The following BBX variants were observed in gnomAD, a reference collection of about 807,000 sequenced individuals.
BBX encodes the protein BBX high mobility group box domain containing, also known as HMG box transcription factor BBX.
In BBX, 30 loss-of-function variants were observed where a neutral mutation model predicts 100.2. The observed-to-expected ratio is 0.30, with a 90% CI of 0.22 to 0.41. The LOEUF is 0.41. Among genes scored for constraint, BBX ranks in the 10% least tolerant of loss-of-function variants. The pLI is 1.00. For synonymous variants in BBX, 376 were observed against 388.1 expected (o/e 0.97, Z 0.37); for missense variants, 1,023 against 1,129.8 (o/e 0.91, Z 1.35).
chr3:107,684,473 CAG>C (rs929931344), intron 3 of BBX: 8 of 152,232 alleles, frequency 5.3e-5, no homozygotes, highest in African/African-American at 1.7e-4. Flanking sequence ...TCTGACATCA[CAG>C]AGAAGGAATT....
intron 3 of BBX, among the ~76,000 whole-genome samples, chr3:107,688,408 T>C (rs1184517656): frequency 6.6e-6 from 1 of 152,228 alleles, no homozygotes; most frequent in East Asian, 1.9e-4. Context: ...AAGTTTGCAG[T>C]GGCAGGAAGC....
At chr3:107,577,092 C>T (rs1292303056) in intron 2 of BBX, among the ~76,000 whole-genome samples, 1 of 152,146 alleles carries the variant, frequency 6.6e-6, no homozygotes, top group Non-Finnish European at 1.5e-5. Flanking sequence ...ATCTCCTGAC[C>T]TCATGATCCA....
intron 3 of BBX, among the ~76,000 whole-genome samples, chr3:107,672,735 C>T (rs1427721467): frequency 6.6e-6 from 1 of 151,856 alleles, no homozygotes; most frequent in East Asian, 1.9e-4. Context: ...TTTTAAAGGG[C>T]CTGGCACAGC....
At chr3:107,790,602 C>G (rs191674681) in intron 14 of BBX, among the ~76,000 whole-genome samples, 1 of 152,338 alleles carries the variant, frequency 6.6e-6, no homozygotes, top group East Asian at 1.9e-4. Context: ...AAAGATAAAT[C>G]TTCCCATCTG....
At chr3:107,784,339 G>A (rs1471645429) in intron 13 of BBX, among the ~76,000 whole-genome samples, 2 of 151,938 alleles carry the variant, frequency 1.3e-5, no homozygotes, top group African/African-American at 2.4e-5. Context: ...TCTCCACTCA[G>A]TAATGGCAGA....
At chr3:107,682,428 A>G (rs1478957667) in intron 3 of BBX, among the ~76,000 whole-genome samples, 1 of 152,144 alleles carries the variant, frequency 6.6e-6, no homozygotes, top group Admixed American at 6.6e-5. Flanking sequence ...GTCGAAGGTG[A>G]TAATGTCACA....
rs2061644675 is a variant in BBX, at chr3:107,710,441, T to C, written c.-9-11T>C. 1 of 1,596,262 alleles carries C rather than the reference T, an allele frequency of 6.3e-7. No individual in the cohort carries two copies. The highest frequency in any genetic ancestry group is 8.6e-7 in the Non-Finnish European group (1 of 1,168,774). On this transcript the variant is annotated splice_polypyrimidine_tract_variant and intron_variant, in intron 3 of 17. Coordinates refer to ENST00000325805, the MANE Select transcript of BBX (RefSeq NM_001142568.3). ...TGTTTCCCTGTTTCTCTCTCTCTCT[T>C]CCTATTACAGGTCACAGTAATGAAA...
chr3:107,782,137 C>T (rs1463905344), intron 13 of BBX, among the ~76,000 whole-genome samples: 2 of 152,086 alleles, frequency 1.3e-5, no homozygotes, highest in African/African-American at 4.8e-5. Flanking sequence ...AAAACGTATA[C>T]CTGATACAAT....
intron 2 of BBX, among the ~76,000 whole-genome samples, chr3:107,527,382 A>G (rs1235202018): frequency 6.6e-6 from 1 of 152,244 alleles, no homozygotes; most frequent in East Asian, 1.9e-4. Context: ...TTTCTGTGAA[A>G]GAAAATTTAG....
At chr3:107,618,282 T>G (rs2055451866) in intron 2 of BBX, among the ~76,000 whole-genome samples, 1 of 152,066 alleles carries the variant, frequency 6.6e-6, no homozygotes, top group Admixed American at 6.5e-5. Context: ...TTATGTTTTG[T>G]TAGGGATTTT....
At chr3:107,648,497 T>C (rs150988666) in intron 3 of BBX, among the ~76,000 whole-genome samples, 64 of 152,290 alleles carry the variant, frequency 4.2e-4, no homozygotes, top group African/African-American at 1.5e-3. Context: ...TAATTTGATA[T>C]AGGATGAGAA....
At chr3:107,524,083 T>A (rs1332200318) in intron 1 of BBX, 1 of 152,850 alleles carries the variant, frequency 6.5e-6, no homozygotes, top group Non-Finnish European at 1.5e-5. Context: ...AGGATTTTGC[T>A]TGAATGTGGG....
chr3:107,551,514 G>A (rs1309557898), intron 2 of BBX, among the ~76,000 whole-genome samples: 1 of 152,202 alleles, frequency 6.6e-6, no homozygotes, highest in East Asian at 1.9e-4. Flanking sequence ...TTCACATCTA[G>A]CATAAATGTA....
chr3:107,684,393 A>AT (rs1320182847), intron 3 of BBX, among the ~76,000 whole-genome samples: 2 of 152,004 alleles, frequency 1.3e-5, no homozygotes, highest in Non-Finnish European at 2.9e-5. Context: ...TAGTTGCGAT[A>AT]TTTTTTTTCT....
intron 3 of BBX, among the ~76,000 whole-genome samples, chr3:107,676,962 G>T (rs905743702): frequency 1.3e-5 from 2 of 152,004 alleles, no homozygotes; most frequent in African/African-American, 2.4e-5. Context: ...TGACTAGAGG[G>T]TATAATTGGA....
At chr3:107,792,382 A>G (rs2069154681) in intron 15 of BBX, among the ~76,000 whole-genome samples, 1 of 152,268 alleles carries the variant, frequency 6.6e-6, no homozygotes, top group Non-Finnish European at 1.5e-5. Context: ...TGACTCTCAA[A>G]TATGCTATCA....
chr3:107,770,170 CA>C (rs1382755216), intron 10 of BBX, among the ~76,000 whole-genome samples: 8 of 152,138 alleles, frequency 5.3e-5, no homozygotes, highest in African/African-American at 1.7e-4. Flanking sequence ...AGAATCCTTT[CA>C]GGGGTGATGA....
chr3:107,575,453 T>G (rs2051702592), intron 2 of BBX, among the ~76,000 whole-genome samples: 1 of 152,232 alleles, frequency 6.6e-6, no homozygotes, highest in African/African-American at 2.4e-5. Flanking sequence ...ATATTTTCAT[T>G]GAGTTTTTTA....
At chr3:107,558,777 C>A (rs1334210417) in intron 2 of BBX, among the ~76,000 whole-genome samples, 1 of 152,184 alleles carries the variant, frequency 6.6e-6, no homozygotes, top group Non-Finnish European at 1.5e-5. Flanking sequence ...TGAATTCAAG[C>A]AGCCTAGCAC....
Sources: allele counts gnomAD v4.1 joint callset (sites outside exome capture counted in the v4.1 genomes callset), GRCh38; gene constraint gnomAD v4.1.1; transcripts MANE v1.5; gene names NCBI Gene and HGNC (gene_info 2026-07-23, HGNC 2026-07-21).